The following RBM19 variants were observed in gnomAD, a reference collection of about 807,000 sequenced individuals.
RBM19 encodes the protein RNA binding motif protein 19, also known as probable RNA-binding protein 19.
A neutral mutation model predicts 116.8 loss-of-function variants in RBM19; 94 were observed. That is an observed-to-expected ratio of 0.80 (90% CI 0.68 to 0.95). The LOEUF (loss-of-function observed/expected upper bound fraction) is 0.95. RBM19 is among the 40% of genes least tolerant of loss of function. RBM19 has a pLI of 0.00. For missense variants in RBM19, 1,161 were observed against 1,220.7 expected (o/e 0.95, Z 0.73); for synonymous variants, 475 against 494.1 (o/e 0.96, Z 0.51).
At chr12:113,944,341 A>G (rs1593628832) in intron 13 of RBM19, among the ~76,000 whole-genome samples, 1 of 151,574 alleles carries the variant, frequency 6.6e-6, no homozygotes, top group African/African-American at 2.4e-5. Flanking sequence ...CTAGTGATCC[A>G]CCTGCCTCAG....
intron 21 of RBM19, among the ~76,000 whole-genome samples, chr12:113,871,328 C>T (rs1412004512): frequency 1.2e-4 from 19 of 152,194 alleles, no homozygotes; most frequent in African/African-American, 2.4e-5. Context: ...GAAACAAACT[C>T]GTTTATTTAA....
intron 21 of RBM19, among the ~76,000 whole-genome samples, chr12:113,879,739 G>A (rs1236211269): frequency 6.6e-6 from 1 of 152,000 alleles, no homozygotes. Context: ...TGGGGAGCTC[G>A]GGCTACATCC....
chr12:113,897,052 G>A (rs1881383652), intron 21 of RBM19, among the ~76,000 whole-genome samples: 1 of 152,224 alleles, frequency 6.6e-6, no homozygotes, highest in South Asian at 2.1e-4. Context: ...TACACAGTTT[G>A]GGAACCATGG....
intron 17 of RBM19, among the ~76,000 whole-genome samples, chr12:113,926,299 C>T (rs1213980271): frequency 6.6e-6 from 1 of 152,212 alleles, no homozygotes; most frequent in African/African-American, 2.4e-5. Flanking sequence ...CAGGTCAATT[C>T]TTATGGCCAG....
intron 21 of RBM19, among the ~76,000 whole-genome samples, chr12:113,899,868 C>T (rs1407366070): frequency 6.6e-6 from 1 of 152,070 alleles, no homozygotes. Flanking sequence ...AATGAGCCAA[C>T]GGCGGCCCTC....
At chr12:113,846,636 T>C (rs1196192490) in intron 22 of RBM19, among the ~76,000 whole-genome samples, 1 of 152,114 alleles carries the variant, frequency 6.6e-6, no homozygotes, top group Non-Finnish European at 1.5e-5. Flanking sequence ...CCAAACAGGA[T>C]TTCCCTCGGA....
At chr12:113,872,569 T>TGG (rs1425122499) in intron 21 of RBM19, among the ~76,000 whole-genome samples, 4 of 67,406 alleles carry the variant, frequency 5.9e-5, no homozygotes, top group Admixed American at 1.4e-4. Context: ...GGGAGGGAGG[T>TGG]GGGGGGGGGT....
intron 6 of RBM19, 54 bp from the exon 7 acceptor site, chr12:113,955,265 G>A (rs750959117): frequency 1.0e-4 from 155 of 1,524,454 alleles, no homozygotes; most frequent in Non-Finnish European, 1.3e-4. Context: ...TCGTACAGCT[G>A]CAGGAGGTGG....
intron 21 of RBM19, among the ~76,000 whole-genome samples, chr12:113,861,484 GTGTGT>G (rs1878372224): frequency 6.9e-6 from 1 of 144,990 alleles, no homozygotes; most frequent in South Asian, 2.1e-4. Flanking sequence ...CTGTGTGTGT[GTGTGT>G]GTGTGTGTGT....
At chr12:113,859,372 C>T (rs1878183977) in intron 21 of RBM19, among the ~76,000 whole-genome samples, 1 of 152,162 alleles carries the variant, frequency 6.6e-6, no homozygotes, top group South Asian at 2.1e-4. Flanking sequence ...CATGGCGACC[C>T]CAGGCTGAGC....
chr12:113,946,786 T>C (rs934051587), intron 11 of RBM19, among the ~76,000 whole-genome samples: 10 of 152,180 alleles, frequency 6.6e-5, no homozygotes, highest in Admixed American at 4.6e-4. Flanking sequence ...TGAGTAAGAA[T>C]GTGAGGTCCA....
intron 2 of RBM19, among the ~76,000 whole-genome samples, chr12:113,960,546 A>G (rs1872403856): frequency 6.6e-6 from 1 of 152,166 alleles, no homozygotes. Context: ...CAAGAAGTCA[A>G]TTTCCCTGGC....
chr12:113,944,739 G>A (rs553927575), intron 13 of RBM19, among the ~76,000 whole-genome samples: 1 of 152,086 alleles, frequency 6.6e-6, no homozygotes, highest in South Asian at 2.1e-4. Flanking sequence ...AGGCTGCAGT[G>A]AGCTATGAGC....
intron 1 of RBM19, among the ~76,000 whole-genome samples, chr12:113,963,484 A>T (rs1872657124): frequency 6.6e-6 from 1 of 152,218 alleles, no homozygotes; most frequent in Non-Finnish European, 1.5e-5. Context: ...CCAGAAGATG[A>T]CATTTTCTGA....
rs754920669 is a variant in RBM19 at position 113,920,578 on chromosome 12, T to C, written c.2385+33A>G. 7.5e-6 allele frequency: 12 copies of C among 1,590,772 alleles called. No homozygotes were observed. In the South Asian group the frequency reaches 1.1e-4, roughly 15 times the overall value. On this transcript the variant is annotated intron_variant, in intron 19 of 23. Transcript: ENST00000261741. ...GACCTCCCACTACCTGCCAAGTGCC[T>C]CCGTGGCCCTCAGCTGAGAATCTTC...
intron 16 of RBM19, among the ~76,000 whole-genome samples, chr12:113,928,099 G>A (rs1180500720): frequency 6.6e-6 from 1 of 152,190 alleles, no homozygotes; most frequent in Admixed American, 6.5e-5. Flanking sequence ...CACTCTGGGA[G>A]GCGGAGGCAG....
chr12:113,936,945 C>A, intron 16 of RBM19, 62 bp downstream of exon 16: 4 of 1,584,112 alleles, frequency 2.5e-6, no homozygotes, highest in Non-Finnish European at 3.4e-6. Flanking sequence ...ACGCTGCCCC[C>A]AACCCTCCTC....
intron 21 of RBM19, among the ~76,000 whole-genome samples, chr12:113,884,959 T>C (rs996355998): frequency 6.6e-5 from 10 of 152,076 alleles, no homozygotes; most frequent in African/African-American, 2.4e-4. Context: ...AAACGGAATG[T>C]GGAGAAAAGC....
intron 12 of RBM19, 117 bp downstream of exon 12, chr12:113,946,237 G>A (rs774077674): frequency 1.4e-4 from 193 of 1,377,760 alleles, no homozygotes; most frequent in Admixed American, 2.4e-4. Context: ...ACTGAAGCTC[G>A]GTAAGGTATG....
Sources: gnomAD v4.1 joint callset for allele counts (sites outside exome capture counted in the v4.1 genomes callset) on GRCh38, gnomAD v4.1.1 for gene constraint, MANE v1.5 for transcripts, NCBI Gene and HGNC (gene_info 2026-07-23, HGNC 2026-07-21) for gene names.